The following CHN2 variants were observed in gnomAD, a reference collection of about 807,000 sequenced individuals.
CHN2 encodes the protein beta-chimaerin.
Under a neutral mutation model 56.3 loss-of-function variants are expected in CHN2, and 35 were observed. That is an observed-to-expected ratio of 0.62 (90% confidence interval 0.47 to 0.82). CHN2 has a LOEUF of 0.82. Ranked by LOEUF, CHN2 falls within the 40% of genes least tolerant of loss-of-function variation. The pLI is 0.00. For synonymous variants in CHN2, 210 were observed against 212.8 expected (o/e 0.99, Z 0.12); for missense variants, 491 against 580.5 (o/e 0.85, Z 1.58).
chr7:29,151,648 A>G (rs1486878290), intron 2 of CHN2, among the ~76,000 whole-genome samples: 2 of 152,178 alleles, frequency 1.3e-5, no homozygotes, highest in Non-Finnish European at 2.9e-5. Context: ...ATTATGATGA[A>G]CCTGCCAGTG....
In CHN2 at chr7:29,215,042, CT is replaced by C. The variant is rs545390544; in HGVS notation, c.49+20060del. 2.2e-4 allele frequency among the ~76,000 whole-genome samples: 33 copies of C among 152,100 alleles called. No homozygotes were observed. The South Asian group carries it at 6.2e-3, about 29-fold the overall frequency. ...CTGCCACACCAGAACTTCTTGGAAA[CT>C]TTTTTTTGGATGAATGACTGAGTAA... On this transcript the variant is annotated intron_variant, in intron 1 of 12. Coordinates refer to ENST00000222792, the MANE Select transcript of CHN2 (RefSeq NM_004067.4).
intron 7 of CHN2, among the ~76,000 whole-genome samples, chr7:29,488,175 G>A (rs573704686): frequency 6.6e-6 from 1 of 152,322 alleles, no homozygotes; most frequent in East Asian, 1.9e-4. Context: ...GGAACTCAGA[G>A]TGTCTGTCAT....
At chr7:29,225,858 A>G (rs1439124484) in intron 1 of CHN2, among the ~76,000 whole-genome samples, 2 of 152,196 alleles carry the variant, frequency 1.3e-5, no homozygotes, top group Non-Finnish European at 2.9e-5. Context: ...TAGTTAAAAC[A>G]TTATTCTGAG....
intron 6 of CHN2, among the ~76,000 whole-genome samples, chr7:29,447,566 G>A (rs1397302028): frequency 2.6e-5 from 4 of 152,146 alleles, no homozygotes; most frequent in Admixed American, 2.6e-4. Flanking sequence ...GATGAAAGCT[G>A]TAAACCCAGA....
chr7:29,345,510 C>T (rs1406090280), intron 1 of CHN2, among the ~76,000 whole-genome samples: 1 of 152,000 alleles, frequency 6.6e-6, no homozygotes, highest in Non-Finnish European at 1.5e-5. Flanking sequence ...GAAGAGACTG[C>T]ATGACATCCC....
chr7:29,330,066 A>C (rs1158557893), intron 1 of CHN2, among the ~76,000 whole-genome samples: 1 of 152,190 alleles, frequency 6.6e-6, no homozygotes, highest in Non-Finnish European at 1.5e-5. Context: ...CCTATTTCTC[A>C]AAGTACCTAC....
At chr7:29,391,205 C>T (rs1267012110) in intron 3 of CHN2, among the ~76,000 whole-genome samples, 1 of 152,024 alleles carries the variant, frequency 6.6e-6, no homozygotes, top group East Asian at 1.9e-4. Context: ...CCAACCACAT[C>T]CTCTATCTTT....
At chr7:29,511,829 A>AGATAGATAGATTGTAATTTT (rs1348062762) in intron 12 of CHN2, among the ~76,000 whole-genome samples, 2 of 75,960 alleles carry the variant, frequency 2.6e-5, no homozygotes, top group Non-Finnish European at 5.8e-5. Context: ...AAACTCTGGG[A>AGATAGATAGATTGTAATTTT]GATAGATAGA....
intron 6 of CHN2, among the ~76,000 whole-genome samples, chr7:29,477,462 C>T (rs1486675386): frequency 6.6e-6 from 1 of 152,180 alleles, no homozygotes; most frequent in Non-Finnish European, 1.5e-5. Flanking sequence ...GTTATTTGAT[C>T]AGATTCTAAA....
chr7:29,400,194 C>T (rs1302578921), intron 5 of CHN2: 1 of 296,112 alleles, frequency 3.4e-6, no homozygotes, highest in East Asian at 7.8e-5. Context: ...TACCCTCTGA[C>T]CCTTACAAAT....
chr7:29,376,296 C>T (rs1800075983), intron 3 of CHN2: 1 of 152,222 alleles, frequency 6.6e-6, no homozygotes, highest in African/African-American at 2.4e-5. Flanking sequence ...ACGCCCACCA[C>T]AATCCCATGG....
chr7:29,268,418 C>G (rs1465766864), intron 1 of CHN2, among the ~76,000 whole-genome samples: 2 of 151,884 alleles, frequency 1.3e-5, no homozygotes, highest in African/African-American at 2.4e-5. Context: ...TGTGCATTTT[C>G]AACTTCTCTT....
At chr7:29,274,705 TAAAAC>T (rs1409352522) in intron 1 of CHN2, among the ~76,000 whole-genome samples, 1 of 152,162 alleles carries the variant, frequency 6.6e-6, no homozygotes. Context: ...GAGAAGCTAT[TAAAAC>T]AAACAAAACA....
At chr7:29,192,935 T>A (rs1051262799), upstream of CHN2, 3 of 152,226 alleles carry the variant, frequency 2.0e-5, no homozygotes, top group Admixed American at 2.0e-4. Context: ...TCAGAAGAAC[T>A]CTGGGGAAAC....
intron 8 of CHN2, among the ~76,000 whole-genome samples, chr7:29,498,382 C>T (rs1284907595): frequency 6.6e-6 from 1 of 152,122 alleles, no homozygotes; most frequent in Non-Finnish European, 1.5e-5. Context: ...ATAGATGTAT[C>T]AAAATATTAT....
At chr7:29,512,484 G>T (rs1241250728) in intron 12 of CHN2, 80 bp from the exon 13 acceptor site, 4 of 1,213,974 alleles carry the variant, frequency 3.3e-6, no homozygotes, top group Admixed American at 2.5e-5. Flanking sequence ...AGATGTTATC[G>T]GGACTTACAT....
chr7:29,316,351 T>A (rs1794954136), intron 1 of CHN2, among the ~76,000 whole-genome samples: 1 of 152,230 alleles, frequency 6.6e-6, no homozygotes, highest in Non-Finnish European at 1.5e-5. Context: ...TTTGTAATCA[T>A]TTTCTTTTAT....
chr7:29,223,740 TATATGCAC>T (rs1785979134), intron 1 of CHN2, among the ~76,000 whole-genome samples: 1 of 152,174 alleles, frequency 6.6e-6, no homozygotes, highest in Non-Finnish European at 1.5e-5. Context: ...AATATTCTTA[TATATGCAC>T]ATATGCACAG....
chr7:29,338,135 A>C (rs1272004269), intron 1 of CHN2, among the ~76,000 whole-genome samples: 1 of 152,174 alleles, frequency 6.6e-6, no homozygotes, highest in South Asian at 2.1e-4. Flanking sequence ...TTGTGACATA[A>C]ATGAGTTTGA....
Sources: gnomAD v4.1 joint callset for allele counts (sites outside exome capture counted in the v4.1 genomes callset) on GRCh38, gnomAD v4.1.1 for gene constraint, MANE v1.5 for transcripts, NCBI Gene and HGNC (gene_info 2026-07-23, HGNC 2026-07-21) for gene names.